The following GNAL variants were observed in gnomAD, a reference collection of about 807,000 sequenced individuals.
GNAL encodes the protein guanine nucleotide-binding protein G(olf) subunit alpha.
In GNAL, 18 loss-of-function variants were observed where a neutral mutation model predicts 55.1. The ratio of observed to expected loss-of-function variants is 0.33; its 90% CI spans 0.23 to 0.48. The LOEUF (loss-of-function observed/expected upper bound fraction) is 0.48. GNAL is among the 20% of genes least tolerant of loss of function. The pLI, the probability that GNAL is intolerant of heterozygous loss-of-function variation, is 0.99. For missense variants in GNAL, 412 were observed against 614.1 expected (o/e 0.67, Z 3.48); for synonymous variants, 253 against 237.0 (o/e 1.07, Z -0.62).
intron 1 of GNAL, among the ~76,000 whole-genome samples, chr18:11,735,730 G>A (rs2032445300): frequency 6.7e-6 from 1 of 149,612 alleles, no homozygotes; most frequent in Admixed American, 6.7e-5. Flanking sequence ...ATTCCAGCCT[G>A]AGCCACAGAG....
chr18:11,765,085 A>G (rs1392703967), intron 4 of GNAL, among the ~76,000 whole-genome samples: 2 of 152,240 alleles, frequency 1.3e-5, no homozygotes, highest in African/African-American at 2.4e-5. Context: ...GTCATCATAA[A>G]AAATGCATCA....
intron 1 of GNAL, among the ~76,000 whole-genome samples, chr18:11,690,785 G>T (rs1270868347): frequency 6.6e-6 from 1 of 151,882 alleles, no homozygotes. Flanking sequence ...CAAAGGACAT[G>T]AACTCATGAT....
intron 1 of GNAL, among the ~76,000 whole-genome samples, chr18:11,695,930 A>ACACG (rs1567988321): frequency 1.2e-3 from 163 of 132,800 alleles, no homozygotes; most frequent in African/African-American, 4.5e-3. Flanking sequence ...ATGCACACAC[A>ACACG]CACACACACA....
chr18:11,841,761 A>G (rs560548782), intron 5 of GNAL, among the ~76,000 whole-genome samples: 1 of 152,294 alleles, frequency 6.6e-6, no homozygotes, highest in South Asian at 2.1e-4. Context: ...GGATCCTTCC[A>G]TGAGAAGAAA....
At chr18:11,880,457 C>A (rs1486578740) in intron 11 of GNAL, among the ~76,000 whole-genome samples, 1 of 151,884 alleles carries the variant, frequency 6.6e-6, no homozygotes, top group Non-Finnish European at 1.5e-5. Context: ...CGCCTGTAAT[C>A]TCAGCCACTT....
At chr18:11,733,271 C>T (rs944312894) in intron 1 of GNAL, among the ~76,000 whole-genome samples, 1 of 152,250 alleles carries the variant, frequency 6.6e-6, no homozygotes, top group African/African-American at 2.4e-5. Flanking sequence ...GGACAGCTGT[C>T]ATGTGTGAAG....
intron 4 of GNAL, among the ~76,000 whole-genome samples, chr18:11,784,385 T>C (rs1461896496): frequency 6.6e-6 from 1 of 152,220 alleles, no homozygotes; most frequent in East Asian, 1.9e-4. Context: ...CAGCCAACTG[T>C]GTTCTCTGTG....
intron 4 of GNAL, among the ~76,000 whole-genome samples, chr18:11,754,357 CCATG>C (rs1235591104): frequency 6.6e-6 from 1 of 150,414 alleles, no homozygotes; most frequent in Non-Finnish European, 1.5e-5. Flanking sequence ...GTGGAGGTTG[CCATG>C]AGCCGAGATC....
intron 5 of GNAL, among the ~76,000 whole-genome samples, chr18:11,859,735 G>C (rs1336479106): frequency 6.6e-6 from 1 of 152,012 alleles, no homozygotes; most frequent in African/African-American, 2.4e-5. Flanking sequence ...GCAGAGCCAG[G>C]AGCAGTTGAC....
chr18:11,836,195 C>G (rs1234469204), intron 5 of GNAL, among the ~76,000 whole-genome samples: 1 of 151,936 alleles, frequency 6.6e-6, no homozygotes, highest in Non-Finnish European at 1.5e-5. Flanking sequence ...CTGTAAAATC[C>G]CAGCACTTTG....
chr18:11,736,446 G>C (rs1405854635), intron 1 of GNAL, among the ~76,000 whole-genome samples: 6 of 152,138 alleles, frequency 3.9e-5, no homozygotes, highest in African/African-American at 1.4e-4. Flanking sequence ...GTATGTAGAA[G>C]TATTAGTTTT....
chr18:11,705,495 T>C (rs1598403725), intron 1 of GNAL, among the ~76,000 whole-genome samples: 2 of 152,192 alleles, frequency 1.3e-5, no homozygotes, highest in African/African-American at 2.4e-5. Flanking sequence ...CTGGATTTTA[T>C]GGTAATTCTA....
intron 1 of GNAL, among the ~76,000 whole-genome samples, chr18:11,727,089 T>A (rs1409017073): frequency 1.3e-5 from 2 of 152,054 alleles, no homozygotes; most frequent in Non-Finnish European, 2.9e-5. Flanking sequence ...TGCCCCTCCC[T>A]CCTTGCTGTT....
chr18:11,766,807 A>G (rs1212936049), intron 4 of GNAL, among the ~76,000 whole-genome samples: 4 of 152,240 alleles, frequency 2.6e-5, no homozygotes, highest in African/African-American at 7.2e-5. Context: ...TTTAAAGCGT[A>G]GAAGCTGCAG....
chr18:11,884,601 G>T lies in GNAL; in HGVS notation c.*3466G>T, dbSNP rs2036895970. 6.2e-7 allele frequency: 1 copy of T among 1,613,688 alleles called. No individual in the cohort carries two copies. Among genetic ancestry groups the T allele is most frequent in the Non-Finnish European group, 8.5e-7 (1 of 1,180,014 alleles). On this transcript the variant is annotated 3_prime_UTR_variant, in exon 12 of 12. Transcript: ENST00000334049. ...CACGTGGGAGGTAGCACTTGGAGAGGGTGTAGTCTGTGGGCGTGATGCTAC... is the reference window on the plus strand; with the variant it reads ...CACGTGGGAGGTAGCACTTGGAGAGTGTGTAGTCTGTGGGCGTGATGCTAC...
At chr18:11,774,584 G>C (rs1191024607) in intron 4 of GNAL, among the ~76,000 whole-genome samples, 2 of 152,148 alleles carry the variant, frequency 1.3e-5, no homozygotes, top group African/African-American at 4.8e-5. Flanking sequence ...CTTATGGGTG[G>C]AGAATGGTGG....
rs9958732 is a variant in GNAL, at chr18:11,713,633, A to G, written c.376+23694A>G. On this transcript the variant is annotated intron_variant, in intron 1 of 11. Coordinates refer to ENST00000334049, the MANE Select transcript of GNAL (RefSeq NM_182978.4). ...TATAGCCTGGCCATTGCCTGTTTAT[A>G]TATTCAGTCCCTCAACACATATCTA... Among the ~76,000 whole-genome samples the G allele has an allele frequency of 6.1e-3, 936 of 152,280 alleles. 4 individuals carry two copies. The highest frequency in any genetic ancestry group is 0.021 in the African/African-American group (876 of 41,562).
At chr18:11,853,313 C>T (rs2035925721) in intron 5 of GNAL, 1 of 167,074 alleles carries the variant, frequency 6.0e-6, no homozygotes, top group South Asian at 2.1e-4. Flanking sequence ...AGGCTAGAGC[C>T]CAGCTGTGCT....
At chr18:11,756,004 A>G (rs1258683660) in intron 4 of GNAL, among the ~76,000 whole-genome samples, 3 of 152,264 alleles carry the variant, frequency 2.0e-5, no homozygotes, top group Non-Finnish European at 2.9e-5. Context: ...ATGTTTGCCT[A>G]GAAGTAATCG....
Sources: gnomAD v4.1 joint callset for allele counts (sites outside exome capture counted in the v4.1 genomes callset) on GRCh38, gnomAD v4.1.1 for gene constraint, MANE v1.5 for transcripts, NCBI Gene and HGNC (gene_info 2026-07-23, HGNC 2026-07-21) for gene names.